Variants in SUPT3H observed in about 807,000 individuals in gnomAD.
SUPT3H encodes SPT3 homolog, SAGA and STAGA complex component.
In SUPT3H, 44 loss-of-function variants were observed where a neutral mutation model predicts 44.3. That is an observed-to-expected ratio of 0.99 (90% confidence interval 0.78 to 1.28). The LOEUF (loss-of-function observed/expected upper bound fraction) is 1.28. Ranked by LOEUF, SUPT3H falls within the 50% of genes most tolerant of loss-of-function variation. SUPT3H has a pLI of 0.00. For synonymous variants in SUPT3H, 124 were observed against 125.6 expected, an observed-to-expected ratio of 0.99 and a Z score of 0.09; for missense variants, 380 against 387.1, an observed-to-expected ratio of 0.98 and a Z score of 0.15.
rs9369543 is a variant in SUPT3H, at chr6:45,207,890, A to T, written c.102-101884T>A. Among the ~76,000 whole-genome samples the T allele has an allele frequency of 4.7e-4, 71 of 152,302 alleles. 1 individual carries two copies. The East Asian group carries it at 0.014, about 29-fold the overall frequency. The stretch of plus-strand genomic sequence containing the variant: ...CAAAATTGGAATTTGGCCAGTCAAT[A>T]ACCCTACAATGGCCTCTAACTGTTC... On this transcript the variant is annotated intron_variant, in intron 2 of 10. Transcript: ENST00000371459.
At chr6:45,158,440 G>A (rs1216266132) in intron 2 of SUPT3H, among the ~76,000 whole-genome samples, 4 of 150,622 alleles carry the variant, frequency 2.7e-5, no homozygotes, top group African/African-American at 4.9e-5. Flanking sequence ...GCATACCTAC[G>A]ACTGGCAATA....
chr6:45,005,682 C>T (rs1231206443), intron 5 of SUPT3H, among the ~76,000 whole-genome samples: 1 of 127,230 alleles, frequency 7.9e-6, no homozygotes, highest in Middle Eastern at 4.2e-3. Context: ...GCCTGGGCAA[C>T]AAGTGCAAAA....
At chr6:45,013,539 C>T (rs542687111) in intron 5 of SUPT3H, among the ~76,000 whole-genome samples, 13 of 152,158 alleles carry the variant, frequency 8.5e-5, no homozygotes, top group African/African-American at 3.1e-4. Context: ...GAAGCAACCC[C>T]TAGACTTCTA....
At chr6:44,825,660 G>C (rs1767688087), downstream of SUPT3H, among the ~76,000 whole-genome samples, 1 of 151,844 alleles carries the variant, frequency 6.6e-6, no homozygotes, top group South Asian at 2.1e-4. Context: ...GTAGCACATG[G>C]TGTGCTGTAA....
intron 2 of SUPT3H, among the ~76,000 whole-genome samples, chr6:45,343,233 G>A (rs1303733298): frequency 1.3e-5 from 2 of 152,028 alleles, no homozygotes; most frequent in Non-Finnish European, 2.9e-5. Flanking sequence ...ATCTCAGCCG[G>A]GTGCAGTGGC....
intron 2 of SUPT3H, among the ~76,000 whole-genome samples, chr6:45,231,052 CTGT>C (rs1387378484): frequency 2.6e-5 from 4 of 152,114 alleles, no homozygotes; most frequent in Non-Finnish European, 4.4e-5. Flanking sequence ...ACCTTGTTAA[CTGT>C]TGTTTAGTTG....
intron 2 of SUPT3H, among the ~76,000 whole-genome samples, chr6:45,126,155 G>A (rs1802399047): frequency 6.6e-6 from 1 of 152,168 alleles, no homozygotes. Context: ...TCAGAAGTGT[G>A]CAAAGAAGTA....
chr6:44,831,070 G>A (rs1450596039), intron 10 of SUPT3H, among the ~76,000 whole-genome samples: 1 of 152,068 alleles, frequency 6.6e-6, no homozygotes, highest in Non-Finnish European at 1.5e-5. Context: ...TAGTTTTCTA[G>A]ATAACCTTCT....
At chr6:44,892,596 G>A (rs138094802) in intron 10 of SUPT3H, among the ~76,000 whole-genome samples, 73 of 152,238 alleles carry the variant, frequency 4.8e-4, no homozygotes, top group African/African-American at 1.7e-3. Context: ...TTAATACACA[G>A]GGAAAAAAGG....
chr6:45,146,234 C>T (rs780567032), intron 2 of SUPT3H, among the ~76,000 whole-genome samples: 2 of 152,128 alleles, frequency 1.3e-5, no homozygotes, highest in Middle Eastern at 3.4e-3. Flanking sequence ...TATAGCAGCA[C>T]GATTCGCAAC....
intron 2 of SUPT3H, among the ~76,000 whole-genome samples, chr6:45,227,948 G>A (rs1335625431): frequency 6.6e-6 from 1 of 151,714 alleles, no homozygotes. Flanking sequence ...TTTTTATCAA[G>A]ATAATAAGAA....
At chr6:44,988,629 A>T (rs36105034) in intron 6 of SUPT3H, among the ~76,000 whole-genome samples, 19,912 of 150,994 alleles carry the variant, frequency 0.13, 1,595 homozygotes, top group East Asian at 0.27. Flanking sequence ...TCCTATTTTT[A>T]AAAAAAAGAC....
chr6:45,326,179 T>C (rs186613437), intron 2 of SUPT3H, among the ~76,000 whole-genome samples: 55 of 151,926 alleles, frequency 3.6e-4, no homozygotes, highest in African/African-American at 1.2e-3. Flanking sequence ...AGGAAGAAAA[T>C]AGCAAAATGT....
Position 44,828,758 on chromosome 6 carries a change from T to TTAA in SUPT3H, c.*1055_*1057dup, listed in dbSNP as rs1768088551. The TTAA allele has an allele frequency of 1.3e-5, 2 of 152,530 alleles. No homozygotes were observed. The highest frequency in any genetic ancestry group is 4.8e-5 in the African/African-American group (2 of 41,468). The allele number at this position is 152,530 out of a possible 1,614,324, so 9.4% of individuals were successfully genotyped here. On this transcript the variant is annotated 3_prime_UTR_variant, in exon 11 of 11. Coordinates refer to ENST00000371459, the MANE Select transcript of SUPT3H (RefSeq NM_003599.4). ...TTCATGTTTCTCATTTCTGTTTTTA[T>TTAA]TAATTCTTTAGAAAGAGTGTTTCAA...
chr6:44,884,955 G>C (rs1302329019), intron 10 of SUPT3H, among the ~76,000 whole-genome samples: 1 of 152,172 alleles, frequency 6.6e-6, no homozygotes, highest in Non-Finnish European at 1.5e-5. Context: ...GGCGCACCAG[G>C]AGATTATATC....
At chr6:44,981,346 C>T (rs1050150397) in intron 6 of SUPT3H, among the ~76,000 whole-genome samples, 4 of 152,010 alleles carry the variant, frequency 2.6e-5, no homozygotes, top group African/African-American at 7.2e-5. Context: ...ACATTTTTGT[C>T]GTTTTATTTT....
intron 2 of SUPT3H, among the ~76,000 whole-genome samples, chr6:45,131,798 T>C (rs1803508442): frequency 6.6e-6 from 1 of 152,184 alleles, no homozygotes; most frequent in Admixed American, 6.5e-5. Flanking sequence ...ATAGCTTAAG[T>C]ATTATTTCAT....
intron 2 of SUPT3H, among the ~76,000 whole-genome samples, chr6:45,342,462 T>C (rs1386760617): frequency 1.3e-5 from 2 of 152,136 alleles, no homozygotes; most frequent in Non-Finnish European, 2.9e-5. Flanking sequence ...AGTTTCAACA[T>C]GTTGGCCAGG....
At chr6:44,816,528 C>T (rs191817311) in intron 11 of SUPT3H, among the ~76,000 whole-genome samples, 5 of 151,960 alleles carry the variant, frequency 3.3e-5, no homozygotes, top group Non-Finnish European at 7.4e-5. Flanking sequence ...ACTTCAGACC[C>T]TGATAGCCTC....
Sources: gnomAD v4.1 joint callset for allele counts (sites outside exome capture counted in the v4.1 genomes callset) on GRCh38, gnomAD v4.1.1 for gene constraint, MANE v1.5 for transcripts, NCBI Gene and HGNC (gene_info 2026-07-23, HGNC 2026-07-21) for gene names.